SPATA7: variants seen among roughly 807,000 people sequenced by gnomAD.
The protein encoded by SPATA7 is spermatogenesis associated 7.
Under a neutral mutation model 51.8 loss-of-function variants are expected in SPATA7, and 43 were observed. The ratio of observed to expected loss-of-function variants is 0.83; its 90% CI spans 0.65 to 1.07. SPATA7 has a LOEUF of 1.07. Ranked by LOEUF, SPATA7 falls within the 50% of genes least tolerant of loss-of-function variation. SPATA7 has a pLI of 0.00. For synonymous variants in SPATA7, 230 were observed against 252.8 expected (o/e 0.91, Z 0.86); for missense variants, 683 against 701.3 (o/e 0.97, Z 0.30).
At chr14:88,425,837 A>G (rs1258836576) in intron 5 of SPATA7, among the ~76,000 whole-genome samples, 2 of 152,184 alleles carry the variant, frequency 1.3e-5, no homozygotes, top group African/African-American at 2.4e-5. Flanking sequence ...GCACTCTCCA[A>G]TAATGACAAG....
downstream of SPATA7, among the ~76,000 whole-genome samples, chr14:88,441,588 C>G (rs1291182022): frequency 6.6e-6 from 1 of 152,074 alleles, no homozygotes; most frequent in Non-Finnish European, 1.5e-5. Flanking sequence ...TTTGCAGTTC[C>G]TTGATAATTA....
chr14:88,419,351 T>G (rs549743687), intron 5 of SPATA7, among the ~76,000 whole-genome samples: 5 of 152,220 alleles, frequency 3.3e-5, no homozygotes, highest in Middle Eastern at 3.4e-3. Context: ...TTTCTATTAA[T>G]ATTTTCTGAT....
At chr14:88,392,830 A>T (rs1055239223) in intron 2 of SPATA7, among the ~76,000 whole-genome samples, 1 of 150,700 alleles carries the variant, frequency 6.6e-6, no homozygotes, top group Non-Finnish European at 1.5e-5. Context: ...AACAGTTTGA[A>T]TGAGGACCAA....
At chr14:88,436,971 G>A (rs2077106441) in intron 10 of SPATA7, among the ~76,000 whole-genome samples, 1 of 151,376 alleles carries the variant, frequency 6.6e-6, no homozygotes, top group Non-Finnish European at 1.5e-5. Context: ...TAATGTCACT[G>A]GTATTTTGAT....
intron 4 of SPATA7, among the ~76,000 whole-genome samples, chr14:88,400,895 A>G (rs1195387373): frequency 6.6e-6 from 1 of 152,164 alleles, no homozygotes; most frequent in East Asian, 1.9e-4. Context: ...AGGACCAGAT[A>G]TCTTCATAGG....
intron 4 of SPATA7, among the ~76,000 whole-genome samples, chr14:88,464,173 A>C (rs2077337895): frequency 6.6e-6 from 1 of 152,138 alleles, no homozygotes; most frequent in African/African-American, 2.4e-5. Context: ...TTTAGATAGT[A>C]GGGTAAATGG....
intron 4 of SPATA7, among the ~76,000 whole-genome samples, chr14:88,400,431 AGC>A (rs1176504232): frequency 6.6e-6 from 1 of 152,200 alleles, no homozygotes; most frequent in African/African-American, 2.4e-5. Flanking sequence ...GAATAAACTA[AGC>A]CCACCTCGGT....
intron 3 of SPATA7, among the ~76,000 whole-genome samples, chr14:88,445,159 C>A (rs2077203011): frequency 2.6e-5 from 4 of 151,392 alleles, no homozygotes; most frequent in Non-Finnish European, 5.9e-5. Flanking sequence ...CTTTTATTTC[C>A]TTGAGCAGTG....
At chr14:88,452,324 G>C (rs1430662357) in intron 3 of SPATA7, among the ~76,000 whole-genome samples, 1 of 152,202 alleles carries the variant, frequency 6.6e-6, no homozygotes, top group Non-Finnish European at 1.5e-5. Flanking sequence ...AGTGGAGGTA[G>C]CAGGAGAGTG....
chr14:88,386,016 C>G, intron 1 of SPATA7, 179 bp downstream of exon 1: 2 of 1,461,464 alleles, frequency 1.4e-6, no homozygotes, highest in Non-Finnish European at 1.8e-6. Flanking sequence ...GGAGAGCCTG[C>G]TTGCCAGCCT....
chr14:88,445,045 G>A (rs1259679543), intron 3 of SPATA7, among the ~76,000 whole-genome samples: 1 of 151,848 alleles, frequency 6.6e-6, no homozygotes, highest in Non-Finnish European at 1.5e-5. Flanking sequence ...GCTTGATGGG[G>A]ATGGCATTGA....
At chr14:88,390,553 C>G (rs548598622) in intron 1 of SPATA7, among the ~76,000 whole-genome samples, 4 of 152,258 alleles carry the variant, frequency 2.6e-5, no homozygotes, top group South Asian at 2.1e-4. Context: ...GGACTTGGAT[C>G]GCATAGCATT....
chr14:88,468,029 C>T (rs2077391727), intron 4 of SPATA7: 4 of 1,378,254 alleles, frequency 2.9e-6, no homozygotes, highest in Non-Finnish European at 4.1e-6. Flanking sequence ...CGTCCCAGTG[C>T]CACGCTGCGT....
chr14:88,449,750 G>C (rs1340213405), intron 3 of SPATA7, among the ~76,000 whole-genome samples: 1 of 151,946 alleles, frequency 6.6e-6, no homozygotes, highest in Non-Finnish European at 1.5e-5. Flanking sequence ...TTGTAAATTT[G>C]GGAGCTCCAG....
At chr14:88,454,769 C>T (rs1478398630) in intron 3 of SPATA7, among the ~76,000 whole-genome samples, 2 of 151,926 alleles carry the variant, frequency 1.3e-5, no homozygotes, top group Middle Eastern at 3.2e-3. Context: ...GATCAGGCCA[C>T]TTCACTCCAC....
At chr14:88,465,580 G>T (rs1024709679) in intron 4 of SPATA7, among the ~76,000 whole-genome samples, 9 of 152,188 alleles carry the variant, frequency 5.9e-5, no homozygotes, top group Admixed American at 2.0e-4. Flanking sequence ...TACCAAAATT[G>T]ATCAGTGGAA....
intron 8 of SPATA7, among the ~76,000 whole-genome samples, chr14:88,430,221 C>G (rs993982518): frequency 2.6e-5 from 4 of 152,064 alleles, no homozygotes; most frequent in African/African-American, 9.7e-5. Flanking sequence ...GGGAAGTACA[C>G]ACAATCCCCT....
downstream of SPATA7, among the ~76,000 whole-genome samples, chr14:88,460,065 T>C (rs1288596584): frequency 2.0e-5 from 3 of 152,350 alleles, no homozygotes; most frequent in Admixed American, 6.5e-5. Flanking sequence ...TTGTAGAGTT[T>C]CTGCTGAGAT....
Position 88,438,344 on chromosome 14 carries a change from C to T in SPATA7, c.1722C>T (p.Gly574=), listed in dbSNP as rs763938332. The change falls in exon 12 of 12, where the codon GGC becomes GGT. Residue 574 remains glycine, a synonymous_variant. Transcript: ENST00000393545. Reference sequence around the variant, plus strand: ...CTGTTCAGTTCTCCAGTGTCAAAGGCGACAATAATCATGACATGGAGTTAT... The same window carrying T: ...CTGTTCAGTTCTCCAGTGTCAAAGGTGACAATAATCATGACATGGAGTTAT... ...SQSVQFSSVK[G]DNNHDMELST... The T allele has an allele frequency of 3.5e-5, 57 of 1,613,762 alleles. No homozygotes were observed. The highest frequency in any genetic ancestry group is 1.3e-4 in the African/African-American group (10 of 74,888).
Sources: allele counts gnomAD v4.1 joint callset (sites outside exome capture counted in the v4.1 genomes callset), GRCh38; gene constraint gnomAD v4.1.1; transcripts MANE v1.5; gene names NCBI Gene and HGNC (gene_info 2026-07-23, HGNC 2026-07-21).